CNTNAP2: variants seen among roughly 807,000 people sequenced by gnomAD.
The protein encoded by CNTNAP2 is contactin associated protein 2, also known as contactin-associated protein-like 2.
In CNTNAP2, 98 loss-of-function variants were observed where a neutral mutation model predicts 155.2. The ratio of observed to expected loss-of-function variants is 0.63; its 90% CI spans 0.54 to 0.75. CNTNAP2 has a LOEUF of 0.75. CNTNAP2 is among the 30% of genes least tolerant of loss of function. CNTNAP2 has a pLI of 0.00. For missense variants in CNTNAP2, 1,727 were observed against 1,688.1 expected, an observed-to-expected ratio of 1.02 and a Z score of -0.40; for synonymous variants, 651 against 631.2, an observed-to-expected ratio of 1.03 and a Z score of -0.47.
At chr7:147,172,721 A>T (rs1266456608) in intron 8 of CNTNAP2, among the ~76,000 whole-genome samples, 2 of 152,176 alleles carry the variant, frequency 1.3e-5, no homozygotes, top group Non-Finnish European at 2.9e-5. Flanking sequence ...AGAATTAGAA[A>T]GATTTCTTGG....
intron 1 of CNTNAP2, among the ~76,000 whole-genome samples, chr7:146,413,469 C>T (rs2129111630): frequency 6.6e-6 from 1 of 152,306 alleles, no homozygotes; most frequent in African/African-American, 2.4e-5. Flanking sequence ...AGGTTATTTT[C>T]TATTTGCAGA....
intron 8 of CNTNAP2, among the ~76,000 whole-genome samples, chr7:147,133,766 G>A (rs1317757041): frequency 6.6e-6 from 1 of 151,998 alleles, no homozygotes; most frequent in African/African-American, 2.4e-5. Context: ...AGGATTCAAG[G>A]AAGCCACAAG....
intron 1 of CNTNAP2, among the ~76,000 whole-genome samples, chr7:146,740,137 C>T (rs1180920754): frequency 1.3e-5 from 2 of 151,652 alleles, no homozygotes; most frequent in Non-Finnish European, 2.9e-5. Flanking sequence ...TTTTTCAGTC[C>T]TTGTCATTCT....
chr7:147,885,527 C>T (rs769601182), intron 13 of CNTNAP2, among the ~76,000 whole-genome samples: 1 of 152,136 alleles, frequency 6.6e-6, no homozygotes, highest in South Asian at 2.1e-4. Flanking sequence ...CCCGCCACCC[C>T]GCCCCATCTT....
chr7:148,177,244 T>C (rs1311792719), intron 18 of CNTNAP2, among the ~76,000 whole-genome samples: 1 of 152,178 alleles, frequency 6.6e-6, no homozygotes, highest in African/African-American at 2.4e-5. Flanking sequence ...TTATGGTAAG[T>C]TGAGGTCATA....
At chr7:147,429,152 G>GTATATATATATA (rs141561595) in intron 10 of CNTNAP2, among the ~76,000 whole-genome samples, 6 of 145,840 alleles carry the variant, frequency 4.1e-5, no homozygotes, top group African/African-American at 1.5e-4. Flanking sequence ...GTGTGTTTGT[G>GTATATATATATA]TATATATATA....
At chr7:147,607,001 A>G (rs189423601) in intron 12 of CNTNAP2, among the ~76,000 whole-genome samples, 1 of 152,190 alleles carries the variant, frequency 6.6e-6, no homozygotes, top group Non-Finnish European at 1.5e-5. Flanking sequence ...GAGAACACCA[A>G]TTTTAGTCCC....
At chr7:148,134,958 G>A (rs760361245) in intron 16 of CNTNAP2, among the ~76,000 whole-genome samples, 1 of 151,732 alleles carries the variant, frequency 6.6e-6, no homozygotes, top group Non-Finnish European at 1.5e-5. Flanking sequence ...AGATCATAGG[G>A]TACATACTGT....
intron 1 of CNTNAP2, among the ~76,000 whole-genome samples, chr7:146,708,588 ATTTTTTTTTTTTT>A (rs71165029): frequency 1.6e-4 from 10 of 63,972 alleles, no homozygotes; most frequent in East Asian, 1.3e-3. Flanking sequence ...AAAAAAAGTG[ATTTTTTTTTTTTT>A]TTTTTTTTTT....
At chr7:148,082,912 C>T (rs1489922516) in intron 15 of CNTNAP2, among the ~76,000 whole-genome samples, 1 of 151,794 alleles carries the variant, frequency 6.6e-6, no homozygotes, top group Non-Finnish European at 1.5e-5. Flanking sequence ...CTCTTGACCT[C>T]GTGATCCACC....
chr7:148,031,245 G>C (rs1229042758), intron 15 of CNTNAP2, among the ~76,000 whole-genome samples: 3 of 152,068 alleles, frequency 2.0e-5, no homozygotes, highest in Non-Finnish European at 4.4e-5. Context: ...ACACTCCTGG[G>C]CTGTAAAAGG....
intron 21 of CNTNAP2, among the ~76,000 whole-genome samples, chr7:148,286,099 A>G (rs1046060284): frequency 2.6e-5 from 4 of 152,192 alleles, no homozygotes; most frequent in African/African-American, 9.7e-5. Context: ...CTTCATCCTC[A>G]TCTTCTTCAC....
At chr7:147,195,669 T>C (rs375099516) in intron 8 of CNTNAP2, among the ~76,000 whole-genome samples, 2 of 152,284 alleles carry the variant, frequency 1.3e-5, no homozygotes, top group East Asian at 3.9e-4. Context: ...TATTTTATTC[T>C]CTTTGTAGTG....
At chr7:147,863,849 T>C (rs1397535833) in intron 13 of CNTNAP2, among the ~76,000 whole-genome samples, 1 of 152,078 alleles carries the variant, frequency 6.6e-6, no homozygotes, top group Admixed American at 6.5e-5. Context: ...ATGGGTAGAT[T>C]GCAAAAATTT....
chr7:147,911,098 A>G (rs1190971372), intron 14 of CNTNAP2, among the ~76,000 whole-genome samples: 2 of 151,900 alleles, frequency 1.3e-5, no homozygotes, highest in Non-Finnish European at 2.9e-5. Flanking sequence ...CGCTATACCC[A>G]TTGAACAGTA....
chr7:147,606,798 T>C (rs1326428433), intron 12 of CNTNAP2, among the ~76,000 whole-genome samples: 1 of 152,154 alleles, frequency 6.6e-6, no homozygotes, highest in Non-Finnish European at 1.5e-5. Flanking sequence ...TGGGAAGTGA[T>C]TGGTATTTTC....
intron 13 of CNTNAP2, among the ~76,000 whole-genome samples, chr7:147,644,286 T>G (rs1004226186): frequency 2.0e-5 from 3 of 152,152 alleles, no homozygotes; most frequent in Non-Finnish European, 2.9e-5. Flanking sequence ...AAGGGCTAAA[T>G]TAGTGAACAG....
intron 11 of CNTNAP2, among the ~76,000 whole-genome samples, chr7:147,489,699 T>A (rs1051424198): frequency 6.6e-6 from 1 of 152,162 alleles, no homozygotes; most frequent in Non-Finnish European, 1.5e-5. Context: ...CACTGCAACC[T>A]CCACCTCCCA....
intron 9 of CNTNAP2, among the ~76,000 whole-genome samples, chr7:147,307,939 T>C (rs1455675771): frequency 6.6e-6 from 1 of 152,200 alleles, no homozygotes; most frequent in Non-Finnish European, 1.5e-5. Context: ...GAAAAAGTGC[T>C]TGCTCTTGGA....
Sources: allele counts gnomAD v4.1 joint callset (sites outside exome capture counted in the v4.1 genomes callset), GRCh38; gene constraint gnomAD v4.1.1; transcripts MANE v1.5; gene names NCBI Gene and HGNC (gene_info 2026-07-23, HGNC 2026-07-21).